EPHB2: variants seen among roughly 807,000 people sequenced by gnomAD.
The protein encoded by EPHB2 is EPH receptor B2.
EPHB2 carries 18 observed loss-of-function variants against 96.4 expected under a neutral mutation model. That is an observed-to-expected ratio of 0.19 (90% CI 0.13 to 0.28). EPHB2 has a LOEUF of 0.28. Ranked by LOEUF, EPHB2 falls within the 10% of genes least tolerant of loss-of-function variation. EPHB2 has a pLI of 1.00. For missense variants in EPHB2, 989 were observed against 1,355.4 expected, an observed-to-expected ratio of 0.73 and a Z score of 4.25; for synonymous variants, 506 against 534.1, an observed-to-expected ratio of 0.95 and a Z score of 0.72.
intron 3 of EPHB2, among the ~76,000 whole-genome samples, chr1:22,797,067 C>T (rs1644776389): frequency 6.6e-6 from 1 of 152,046 alleles, no homozygotes; most frequent in Admixed American, 6.5e-5. Flanking sequence ...GGCTATTGTC[C>T]CCATTCTTCA....
intron 12 of EPHB2, 70 bp from the exon 13 acceptor site, chr1:22,908,952 G>A (rs1640002584): frequency 6.3e-7 from 1 of 1,599,176 alleles, no homozygotes; most frequent in Non-Finnish European, 8.5e-7. Flanking sequence ...GGCACAGGGT[G>A]GGAGGATTAA....
intron 3 of EPHB2, among the ~76,000 whole-genome samples, chr1:22,817,041 C>G (rs1386250424): frequency 6.6e-6 from 1 of 152,220 alleles, no homozygotes; most frequent in African/African-American, 2.4e-5. Flanking sequence ...ATGCATCGTG[C>G]CTTCCTGGTA....
intron 3 of EPHB2, among the ~76,000 whole-genome samples, chr1:22,824,939 C>G (rs1328391702): frequency 2.0e-5 from 3 of 152,216 alleles, no homozygotes; most frequent in Admixed American, 6.5e-5. Flanking sequence ...GGTAACAGAG[C>G]CTGGCTCCTC....
intron 1 of EPHB2, among the ~76,000 whole-genome samples, chr1:22,746,414 TTGG>T (rs968409574): frequency 3.9e-5 from 6 of 152,116 alleles, no homozygotes; most frequent in African/African-American, 7.2e-5. Flanking sequence ...GTGTGAGTTA[TTGG>T]TGGTCAAAAG....
chr1:22,841,504 G>A (rs781653878), intron 3 of EPHB2, among the ~76,000 whole-genome samples: 4 of 152,196 alleles, frequency 2.6e-5, no homozygotes, highest in African/African-American at 9.7e-5. Context: ...TCCCTGGACA[G>A]AGACTTCCCT....
In EPHB2 at chr1:22,913,889, C is replaced by G. The variant is rs773604879; in HGVS notation, c.*319C>G. On this transcript the variant is annotated 3_prime_UTR_variant, in exon 16 of 16. Transcript: ENST00000374630. This position sits in a 1 kb window ranked among gnomAD's most constrained non-coding sequence, Gnocchi z 4.1. ...GGGATAAAAAAGGGCTTGGGAGATT[C>G]ATGCGATGTGTCCAATCGGAGACAA... 13 of 1,575,938 alleles carry G rather than the reference C, an allele frequency of 8.2e-6. No homozygotes were observed. Among genetic ancestry groups the G allele is most frequent in the Non-Finnish European group, 1.1e-5 (13 of 1,163,034 alleles).
intron 5 of EPHB2, among the ~76,000 whole-genome samples, chr1:22,867,836 C>T (rs902655829): frequency 6.6e-6 from 1 of 152,202 alleles, no homozygotes; most frequent in Non-Finnish European, 1.5e-5. Flanking sequence ...CGTGCCACTG[C>T]ACTCCAGCCT....
At chr1:22,804,563 C>T (rs149976765) in intron 3 of EPHB2, among the ~76,000 whole-genome samples, 1 of 152,052 alleles carries the variant, frequency 6.6e-6, no homozygotes, top group Non-Finnish European at 1.5e-5. Context: ...CACTCACAGT[C>T]CTCAGCCACC....
At chr1:22,898,984 G>A (rs191807543) in intron 9 of EPHB2, among the ~76,000 whole-genome samples, 43 of 152,044 alleles carry the variant, frequency 2.8e-4, no homozygotes, top group African/African-American at 9.2e-4. Context: ...GGCCAAGGTC[G>A]GGAGTTCAAG....
At chr1:22,803,880 C>T (rs2148451661) in intron 3 of EPHB2, among the ~76,000 whole-genome samples, 1 of 150,288 alleles carries the variant, frequency 6.7e-6, no homozygotes, top group Non-Finnish European at 1.5e-5. Context: ...CACCAGTGCA[C>T]TCCAGCCTGG....
At chr1:22,788,718 G>T (rs964384872) in intron 3 of EPHB2, among the ~76,000 whole-genome samples, 4 of 150,284 alleles carry the variant, frequency 2.7e-5, no homozygotes, top group Admixed American at 6.6e-5. Flanking sequence ...AATCAGCAGG[G>T]TTTATTTTGT....
intron 3 of EPHB2, among the ~76,000 whole-genome samples, chr1:22,793,599 G>A (rs1644726719): frequency 6.6e-6 from 1 of 152,160 alleles, no homozygotes; most frequent in African/African-American, 2.4e-5. Flanking sequence ...AGGTGTTCTT[G>A]GCCAAGGGAG....
chr1:22,903,357 A>C (rs541992971), intron 9 of EPHB2, among the ~76,000 whole-genome samples: 1 of 152,362 alleles, frequency 6.6e-6, no homozygotes, highest in African/African-American at 2.4e-5. Context: ...GAGTCTGAGC[A>C]AGCAAGAGAG....
chr1:22,711,788 G>A (rs372615081), intron 1 of EPHB2, among the ~76,000 whole-genome samples: 5 of 152,102 alleles, frequency 3.3e-5, no homozygotes, highest in Non-Finnish European at 7.4e-5. Context: ...CGCCGGGGCC[G>A]GACCAGATGC....
rs140140272 is a variant in EPHB2 at position 22,859,487 on chromosome 1, A to G, written c.812-3550A>G. Among the ~76,000 whole-genome samples the G allele has an allele frequency of 6.4e-3, 978 of 152,160 alleles. 8 individuals are homozygous for G. The highest frequency in any genetic ancestry group is 0.022 in the African/African-American group (895 of 41,510). On this transcript the variant is annotated intron_variant, in intron 3 of 15. Coordinates refer to ENST00000374630, the MANE Select transcript of EPHB2 (RefSeq NM_017449.5). Reference sequence around the variant, plus strand: ...TGAGATAAAATTCACATACCAGACAATTTGCCTATTTAAATTGTACAAATA... The same window carrying G: ...TGAGATAAAATTCACATACCAGACAGTTTGCCTATTTAAATTGTACAAATA...
chr1:22,761,955 C>T (rs113373946), intron 1 of EPHB2, among the ~76,000 whole-genome samples: 3 of 152,250 alleles, frequency 2.0e-5, no homozygotes, highest in Non-Finnish European at 4.4e-5. Flanking sequence ...TTGCCTTGCT[C>T]AGTGTGTGTG....
intron 1 of EPHB2, among the ~76,000 whole-genome samples, chr1:22,752,216 A>G (rs539654333): frequency 6.6e-6 from 1 of 152,356 alleles, no homozygotes; most frequent in South Asian, 2.1e-4. Context: ...CTCTAAAATT[A>G]CTAGGTGGGG....
At chr1:22,808,003 G>A (rs556139541) in intron 3 of EPHB2, among the ~76,000 whole-genome samples, 14 of 152,196 alleles carry the variant, frequency 9.2e-5, no homozygotes, top group South Asian at 4.2e-4. Flanking sequence ...GCATGGTGGC[G>A]TATGCCTGTG....
rs777029414 is a variant in EPHB2, at chr1:22,906,920, A to T, written c.2099A>T (p.Glu700Val). The T allele has an allele frequency of 6.2e-7, 1 of 1,613,092 alleles. No homozygotes were observed. The highest frequency in any genetic ancestry group is 1.1e-5 in the South Asian group (1 of 91,062). Residue 700 changes from glutamate (E) to valine (V), a missense_variant, in exon 11 of 16, where the codon GAG (glutamate) becomes GTG (valine). By Grantham distance (121) the Glu-to-Val change is moderately radical. Coordinates refer to ENST00000374630, the MANE Select transcript of EPHB2 (RefSeq NM_017449.5). The surrounding 1 kb of genome is among the most constrained non-coding windows in gnomAD (Gnocchi z 4.8). Reference protein sequence around the residue: ...TKSTPVMIITEFMENGSLDSF... With the variant: ...TKSTPVMIITVFMENGSLDSF... Reference sequence around the variant, plus strand: ...AGCACACCTGTGATGATCATCACCGAGTTCATGGAGAATGGCTCCCTGGAC... The same window carrying T: ...AGCACACCTGTGATGATCATCACCGTGTTCATGGAGAATGGCTCCCTGGAC...
Sources: gnomAD v4.1 joint callset for allele counts (sites outside exome capture counted in the v4.1 genomes callset) on GRCh38, gnomAD v4.1.1 for gene constraint, Gnocchi (gnomAD v3.1) non-coding constraint, MANE v1.5 for transcripts, NCBI Gene and HGNC (gene_info 2026-07-23, HGNC 2026-07-21) for gene names.